Variants in RBMS3 observed in about 807,000 individuals in gnomAD.
RBMS3 encodes the protein RNA binding motif single stranded interacting protein 3, also known as RNA-binding motif, single-stranded-interacting protein 3.
A neutral mutation model predicts 66.8 loss-of-function variants in RBMS3; 27 were observed. That is an observed-to-expected ratio of 0.40 (90% CI 0.30 to 0.56). RBMS3 has a LOEUF of 0.56. Ranked by LOEUF, RBMS3 falls within the 20% of genes least tolerant of loss-of-function variation. The pLI, the probability that RBMS3 is intolerant of heterozygous loss-of-function variation, is 0.40. For missense variants in RBMS3, 513 were observed against 549.5 expected, an observed-to-expected ratio of 0.93 and a Z score of 0.66; for synonymous variants, 188 against 183.0, an observed-to-expected ratio of 1.03 and a Z score of -0.22.
At chr3:29,563,839 A>C (rs2046641244) in intron 3 of RBMS3, among the ~76,000 whole-genome samples, 1 of 151,994 alleles carries the variant, frequency 6.6e-6, no homozygotes, top group Admixed American at 6.6e-5. Context: ...AGTCTGGGCA[A>C]CATAGAGATA....
Position 29,737,440 on chromosome 3 carries a change from T to G in RBMS3, c.400-2280T>G, listed in dbSNP as rs117543595. 1.2e-3 allele frequency among the ~76,000 whole-genome samples: 176 copies of G among 152,318 alleles called. 3 individuals are homozygous for G. The East Asian group carries it at 0.032, about 28-fold the overall frequency. ...TGGACTTGTGGAAAATACACTGAGCTGGAAGATAGGAAAATTAGTCACTAA... is the reference window on the plus strand; with the variant it reads ...TGGACTTGTGGAAAATACACTGAGCGGGAAGATAGGAAAATTAGTCACTAA... On this transcript the variant is annotated intron_variant, in intron 4 of 14. Coordinates refer to ENST00000383767, the MANE Select transcript of RBMS3 (RefSeq NM_001003793.3).
intron 6 of RBMS3, among the ~76,000 whole-genome samples, chr3:29,780,814 T>C (rs1352362189): frequency 1.3e-5 from 2 of 152,148 alleles, no homozygotes; most frequent in African/African-American, 4.8e-5. Context: ...TGCTCTAAAT[T>C]TTTCTTCCAG....
chr3:29,334,949 A>G (rs2035861867), intron 1 of RBMS3, among the ~76,000 whole-genome samples: 1 of 152,200 alleles, frequency 6.6e-6, no homozygotes, highest in South Asian at 2.1e-4. Flanking sequence ...TTTCATGCAT[A>G]GGTTGGAATT....
intron 4 of RBMS3, among the ~76,000 whole-genome samples, chr3:29,688,564 A>ATTTTTTTTTTTTTTTTTTTTTT (rs55943638): frequency 1.5e-5 from 1 of 67,118 alleles, no homozygotes; most frequent in African/African-American, 7.7e-5. Context: ...AAGTTACAGG[A>ATTTTTTTTTTTTTTTTTTTTTT]TTTTTTTTTT....
At chr3:29,608,501 C>T (rs1455304486) in intron 4 of RBMS3, among the ~76,000 whole-genome samples, 2 of 151,944 alleles carry the variant, frequency 1.3e-5, no homozygotes, top group African/African-American at 2.4e-5. Flanking sequence ...AGAAAATGTT[C>T]CAAGCTAATC....
intron 4 of RBMS3, among the ~76,000 whole-genome samples, chr3:29,728,480 A>G (rs1043144117): frequency 6.6e-6 from 1 of 152,100 alleles, no homozygotes; most frequent in Non-Finnish European, 1.5e-5. Flanking sequence ...AACACCCTCA[A>G]CTCACTGTTG....
rs2049835101 is a variant in RBMS3 at position 29,644,242 on chromosome 3, T to C, written c.399+57037T>C. On this transcript the variant is annotated intron_variant, in intron 4 of 14. Transcript: ENST00000383767. ...CATTAGATGGAACACTCCAAAAAAA[T>C]AAAAAAAAGGAAATTTGAAATCCTG... Among the ~76,000 whole-genome samples, 3 of 151,900 alleles carry C rather than the reference T, an allele frequency of 2.0e-5. No homozygotes were observed. In the South Asian group the frequency reaches 6.2e-4, roughly 32 times the overall value.
chr3:29,474,332 T>A (rs1252941053), intron 2 of RBMS3, among the ~76,000 whole-genome samples: 1 of 152,226 alleles, frequency 6.6e-6, no homozygotes, highest in East Asian at 1.9e-4. Context: ...GTTCTATTAT[T>A]AATAAGCATT....
At chr3:29,708,366 G>T (rs973037346) in intron 4 of RBMS3, among the ~76,000 whole-genome samples, 1 of 152,012 alleles carries the variant, frequency 6.6e-6, no homozygotes, top group African/African-American at 2.4e-5. Flanking sequence ...ACCATTTCAG[G>T]GGCATGGCTA....
At chr3:29,391,161 C>A in intron 1 of RBMS3, 1 of 164,866 alleles carries the variant, frequency 6.1e-6, no homozygotes. Flanking sequence ...TAGTTAAGGT[C>A]TATGGCAAAG....
chr3:29,624,849 T>G (rs112772709), intron 4 of RBMS3, among the ~76,000 whole-genome samples: 2,498 of 152,266 alleles, frequency 0.016, 23 homozygotes, highest in Non-Finnish European at 0.024. Flanking sequence ...GGAATGTATC[T>G]CTTGGTCCCA....
intron 6 of RBMS3, among the ~76,000 whole-genome samples, chr3:29,836,645 A>G (rs962989983): frequency 2.0e-5 from 3 of 151,982 alleles, no homozygotes; most frequent in Non-Finnish European, 2.9e-5. Flanking sequence ...TACGGTGACT[A>G]TAGTTGATAA....
intron 1 of RBMS3, among the ~76,000 whole-genome samples, chr3:29,394,737 T>C (rs367656264): frequency 6.6e-6 from 1 of 152,300 alleles, no homozygotes; most frequent in Non-Finnish European, 1.5e-5. Flanking sequence ...TCCTAAGTCC[T>C]CACAGTGGCC....
At chr3:29,833,925 C>T (rs551722913) in intron 6 of RBMS3, among the ~76,000 whole-genome samples, 9 of 151,784 alleles carry the variant, frequency 5.9e-5, no homozygotes, top group East Asian at 1.9e-4. Context: ...ATTTTGAAAG[C>T]GCCAAGAAAA....
chr3:29,978,702 A>G (rs1397863540), intron 12 of RBMS3, among the ~76,000 whole-genome samples: 2 of 152,186 alleles, frequency 1.3e-5, no homozygotes, highest in East Asian at 1.9e-4. Flanking sequence ...ATGTTTCTAT[A>G]TTTCTTACTT....
intron 1 of RBMS3, among the ~76,000 whole-genome samples, chr3:29,309,217 A>G (rs2034218859): frequency 1.4e-5 from 1 of 73,328 alleles, no homozygotes; most frequent in African/African-American, 6.4e-5. Context: ...TTTCCACCTG[A>G]AAAAAAGAGG....
intron 4 of RBMS3, among the ~76,000 whole-genome samples, chr3:29,653,912 G>C (rs1232821335): frequency 3.3e-5 from 5 of 152,104 alleles, no homozygotes; most frequent in South Asian, 4.1e-4. Context: ...GGTCTGCCTT[G>C]TCAAGCCCTG....
chr3:29,441,785 G>T (rs1164653553), intron 2 of RBMS3, among the ~76,000 whole-genome samples: 2 of 152,158 alleles, frequency 1.3e-5, no homozygotes, highest in Admixed American at 6.6e-5. Context: ...ATGTAGCAAA[G>T]ATTGAGAACT....
chr3:29,508,612 T>C (rs927860210), intron 3 of RBMS3, among the ~76,000 whole-genome samples: 1 of 152,184 alleles, frequency 6.6e-6, no homozygotes, highest in African/African-American at 2.4e-5. Flanking sequence ...GATGGGCATT[T>C]GGGCTGGTTT....
Sources: gnomAD v4.1 joint callset for allele counts (sites outside exome capture counted in the v4.1 genomes callset) on GRCh38, gnomAD v4.1.1 for gene constraint, MANE v1.5 for transcripts, NCBI Gene and HGNC (gene_info 2026-07-23, HGNC 2026-07-21) for gene names.